Variants in FAM234A observed in about 807,000 individuals in gnomAD.
FAM234A encodes family with sequence similarity 234 member A, also known as protein FAM234A.
FAM234A carries 42 observed loss-of-function variants against 49.1 expected under a neutral mutation model. The observed-to-expected ratio is 0.86, with a 90% CI of 0.67 to 1.11. The LOEUF is 1.11. Among genes scored for constraint, FAM234A ranks in the 50% least tolerant of loss-of-function variants. FAM234A has a pLI of 0.00. For missense variants in FAM234A, 815 were observed against 745.2 expected, an observed-to-expected ratio of 1.09 and a Z score of -1.09; for synonymous variants, 369 against 316.2, an observed-to-expected ratio of 1.17 and a Z score of -1.77.
intron 5 of FAM234A, 58 bp from the exon 6 acceptor site, chr16:261,326 C>T (rs551926447): frequency 2.5e-5 from 39 of 1,575,726 alleles, no homozygotes; most frequent in Admixed American, 3.4e-5. Context: ...TTGCAGTTGC[C>T]GGGCTGCTGT....
At chr16:256,409 C>G (rs1418941830) in intron 3 of FAM234A, among the ~76,000 whole-genome samples, 2 of 152,144 alleles carry the variant, frequency 1.3e-5, no homozygotes, top group Non-Finnish European at 2.9e-5. Flanking sequence ...GAATTAGAAT[C>G]TCCCAGTGAC....
chr16:254,012 T>G (rs1399889322), intron 2 of FAM234A: 1 of 228,508 alleles, frequency 4.4e-6, no homozygotes. Context: ...TGCTTGAGGC[T>G]GGTGGAAGGT....
chr16:254,253 C>T lies in FAM234A; in HGVS notation c.-33-128C>T. On this transcript the variant is annotated intron_variant, in intron 2 of 12. Transcript: ENST00000399932. ...TAAACATTTATTTAGCTTTTATTTC[C>T]TGGGCTGGTGGCCCATAGTTAGAGC... 5 of 716,856 alleles carry T rather than the reference C, an allele frequency of 7.0e-6. 1 individual carries two copies. In the South Asian group the frequency reaches 8.7e-5, roughly 12 times the overall value. The allele number at this position is 716,856 out of a possible 1,614,324, so 44.4% of individuals were successfully genotyped here.
chr16:262,945 G>A (rs1377996087), intron 8 of FAM234A, among the ~76,000 whole-genome samples: 1 of 151,280 alleles, frequency 6.6e-6, no homozygotes, highest in Non-Finnish European at 1.5e-5. Context: ...CCAGCCTCCC[G>A]AGTAGCTGGG....
intron 3 of FAM234A, among the ~76,000 whole-genome samples, chr16:259,136 T>A (rs960893819): frequency 1.3e-5 from 2 of 152,172 alleles, no homozygotes; most frequent in African/African-American, 4.8e-5. Flanking sequence ...CTTGAGTCCT[T>A]GAATGAAAGG....
intron 3 of FAM234A, among the ~76,000 whole-genome samples, chr16:259,111 G>T (rs963610524): frequency 5.9e-5 from 9 of 152,142 alleles, no homozygotes; most frequent in African/African-American, 2.2e-4. Context: ...TGATTTTAGG[G>T]CATAAAGTTT....
Position 265,264 on chromosome 16 carries a change from ACT to A in FAM234A, c.*245_*246del, listed in dbSNP as rs779308838. The A allele has an allele frequency of 4.3e-4, 578 of 1,341,684 alleles. No individual in the cohort carries two copies. Among genetic ancestry groups the A allele is most frequent in the Non-Finnish European group, 5.2e-4 (544 of 1,047,610 alleles). The allele number at this position is 1,341,684 out of a possible 1,614,324, so 83.1% of individuals were successfully genotyped here. On this transcript the variant is annotated 3_prime_UTR_variant, in exon 13 of 13. Coordinates refer to ENST00000399932, the MANE Select transcript of FAM234A (RefSeq NM_032039.4). Reference sequence around the variant, plus strand: ...TCCCTGAGTCCCCACACAGGGCCTCACTCTGCACCCCACCAGGGTCCCGCTCA... The same window carrying A: ...TCCCTGAGTCCCCACACAGGGCCTCACTGCACCCCACCAGGGTCCCGCTCA...
At chr16:238,464 G>A (rs1189391234) in intron 1 of FAM234A, among the ~76,000 whole-genome samples, 1 of 152,040 alleles carries the variant, frequency 6.6e-6, no homozygotes, top group African/African-American at 2.4e-5. Context: ...ATTAATGAAT[G>A]CATTAATAAA....
chr16:266,435 G>A (rs998735575), downstream of FAM234A, among the ~76,000 whole-genome samples: 1 of 152,204 alleles, frequency 6.6e-6, no homozygotes, highest in Non-Finnish European at 1.5e-5. Context: ...GGAGTCCAGC[G>A]TGAAGGGATG....
chr16:245,269 C>A (rs1344062573), intron 1 of FAM234A, among the ~76,000 whole-genome samples: 1 of 152,100 alleles, frequency 6.6e-6, no homozygotes, highest in Non-Finnish European at 1.5e-5. Flanking sequence ...ATCTCTCGAA[C>A]CCAGCAGGAG....
intron 2 of FAM234A, among the ~76,000 whole-genome samples, chr16:250,305 C>A (rs936612924): frequency 6.6e-6 from 1 of 152,170 alleles, no homozygotes; most frequent in African/African-American, 2.4e-5. Flanking sequence ...AATTAATGGC[C>A]GTCTCCTCTT....
At chr16:258,136 G>T (rs1473736696) in intron 3 of FAM234A, among the ~76,000 whole-genome samples, 1 of 149,286 alleles carries the variant, frequency 6.7e-6, no homozygotes, top group Non-Finnish European at 1.5e-5. Flanking sequence ...TTACAGGCGT[G>T]AGCCACCTCA....
chr16:260,262 G>A, intron 5 of FAM234A, 102 bp downstream of exon 5: 2 of 1,087,280 alleles, frequency 1.8e-6, no homozygotes, highest in Non-Finnish European at 2.7e-6. Flanking sequence ...TCAGCCCTGT[G>A]ATCTTGAGGG....
intron 9 of FAM234A, 119 bp downstream of exon 9, chr16:263,521 C>A: frequency 7.0e-7 from 1 of 1,427,814 alleles, no homozygotes; most frequent in Non-Finnish European, 9.5e-7. Flanking sequence ...TGTGCTGCTG[C>A]CCGGGCTTCT....
Position 259,590 on chromosome 16 carries a change from G to A in FAM234A, c.376G>A (p.Val126Met). 6.3e-7 allele frequency: 1 copy of A among 1,586,736 alleles called. No homozygotes were observed. The highest frequency in any genetic ancestry group is 8.6e-7 in the Non-Finnish European group (1 of 1,156,526). Residue 126 changes from valine (V) to methionine (M), a missense_variant, in exon 4 of 13, where the codon GTG (valine) becomes ATG (methionine). Physicochemically the swap from Val to Met is conservative, Grantham distance 21 (BLOSUM62 1). Transcript: ENST00000399932. The part of the protein sequence containing the change: ...NSSNNFSRSC[V>M]DEGFSSPCTF... ...CAGCAACAATTTCAGCCGATCCTGT[G>A]TGGACGAAGGTAATTTCATTTTATA...
downstream of FAM234A, chr16:266,246 C>A (rs2051689694): frequency 3.7e-6 from 1 of 269,022 alleles, no homozygotes; most frequent in African/African-American, 2.3e-5. Context: ...GAGGCGAGCA[C>A]CCCCACCCAG....
chr16:263,008 C>A (rs996892185), intron 8 of FAM234A, among the ~76,000 whole-genome samples: 11 of 152,016 alleles, frequency 7.2e-5, no homozygotes, highest in Admixed American at 1.3e-4. Context: ...TTAGTAGAGA[C>A]GGGGTTTCTC....
At chr16:268,533 G>C (rs2051773700), downstream of FAM234A, 2 of 577,780 alleles carry the variant, frequency 3.5e-6, no homozygotes, top group South Asian at 2.0e-5. Context: ...GACTTGGGCA[G>C]GGAGGATCAG....
chr16:252,477 C>A (rs958018179), intron 2 of FAM234A, among the ~76,000 whole-genome samples: 1 of 152,056 alleles, frequency 6.6e-6, no homozygotes, highest in South Asian at 2.1e-4. Flanking sequence ...CCACCGTGCC[C>A]GGCCGGAAAG....
Sources: gnomAD v4.1 joint callset for allele counts (sites outside exome capture counted in the v4.1 genomes callset) on GRCh38, gnomAD v4.1.1 for gene constraint, MANE v1.5 for transcripts, NCBI Gene and HGNC (gene_info 2026-07-23, HGNC 2026-07-21) for gene names.